The following LARP1 variants were observed in gnomAD, a reference collection of about 807,000 sequenced individuals.
The protein encoded by LARP1 is La ribonucleoprotein 1, translational regulator, also known as la-related protein 1.
LARP1 carries 36 observed loss-of-function variants against 122.7 expected under a neutral mutation model. The ratio of observed to expected loss-of-function variants is 0.29; its 90% CI spans 0.22 to 0.39. The LOEUF is 0.39. Among genes scored for constraint, LARP1 ranks in the 10% least tolerant of loss-of-function variants. The probability of loss-of-function intolerance (pLI) is 1.00; values close to 1 mark genes in which losing one functional copy is unlikely to be tolerated. For missense variants in LARP1, 1,040 were observed against 1,403.6 expected (o/e 0.74, Z 4.14); for synonymous variants, 539 against 528.7 (o/e 1.02, Z -0.27).
At chr5:154,811,738 A>T in intron 18 of LARP1, 98 bp downstream of exon 18, 1 of 1,446,548 alleles carries the variant, frequency 6.9e-7, no homozygotes, top group Non-Finnish European at 9.6e-7. Context: ...CCCCTAGCCC[A>T]GGAACCCCTC....
chr5:154,690,308 G>A (rs1174530939), intron 1 of LARP1, among the ~76,000 whole-genome samples: 1 of 152,118 alleles, frequency 6.6e-6, no homozygotes, highest in Non-Finnish European at 1.5e-5. Context: ...GTTTCATGTA[G>A]GATCGAGAAA....
At position 154,803,588 on chromosome 5, in the gene LARP1, C is replaced by A. The variant is rs758777370; in HGVS notation, c.2282C>A (p.Ser761Tyr). The change falls in exon 13 of 19, where the codon TCC (serine) becomes TAC (tyrosine). Residue 761 changes from serine to tyrosine, a missense_variant. Transcript: ENST00000518297. The surrounding 1 kb of genome is among the most constrained non-coding windows in gnomAD (Gnocchi z 4.4). ...ANKLFGAPEP[S>Y]TIARSLPTTV... ...AAGTTGTTTGGTGCTCCTGAGCCCT[C>A]CACCATCGCCCGCTCTCTACCAACC... The A allele has an allele frequency of 7.4e-6, 12 of 1,614,044 alleles. No individual in the cohort carries two copies. Among genetic ancestry groups the A allele is most frequent in the Non-Finnish European group, 1.0e-5 (12 of 1,180,040 alleles).
At chr5:154,725,034 TG>T (rs1248436136) in intron 1 of LARP1, among the ~76,000 whole-genome samples, 1 of 152,188 alleles carries the variant, frequency 6.6e-6, no homozygotes, top group Admixed American at 6.5e-5. Context: ...CCCAATACTT[TG>T]GGAGGCTGAG....
intron 1 of LARP1, among the ~76,000 whole-genome samples, chr5:154,704,383 A>G (rs1754851639): frequency 6.6e-6 from 1 of 152,162 alleles, no homozygotes; most frequent in African/African-American, 2.4e-5. Context: ...GTGGTGGCTC[A>G]TGCCTGTAAT....
upstream of LARP1, among the ~76,000 whole-genome samples, chr5:154,707,977 C>T (rs1407833330): frequency 6.6e-6 from 1 of 152,146 alleles, no homozygotes; most frequent in Non-Finnish European, 1.5e-5. Flanking sequence ...ACTTTTAAGG[C>T]CACCGTCATT....
Position 154,799,955 on chromosome 5 carries a change from G to C in LARP1, c.1629G>C (p.Lys543Asn), listed in dbSNP as rs925830671. Residue 543 changes from lysine (K) to asparagine (N), a missense_variant, in exon 10 of 19, where the codon AAG (lysine) becomes AAC (asparagine). This residue lies in a region of LARP1 where 362 missense variants were observed against 533.1 expected (regional missense o/e 0.68). Coordinates refer to ENST00000518297, the MANE Select transcript of LARP1 (RefSeq NM_033551.3). The stretch of plus-strand genomic sequence containing the variant: ...TCAGCAACCTAAAGACACTACCCAA[G>C]GGCCTGTCTGCCAGCCTGCCTGACC... ...EEVSNLKTLP[K>N]GLSASLPDLD... 3 of 1,614,082 alleles carry C rather than the reference G, an allele frequency of 1.9e-6. No homozygotes were observed. Among genetic ancestry groups the C allele is most frequent in the Non-Finnish European group, 2.5e-6 (3 of 1,180,042 alleles).
intron 14 of LARP1, chr5:154,804,872 A>T (rs983074974): frequency 2.2e-6 from 1 of 456,124 alleles, no homozygotes; most frequent in Non-Finnish European, 4.4e-6. Context: ...GATGGCACAG[A>T]CTGCAAATAG....
At chr5:154,730,247 G>A (rs1756472340) in intron 1 of LARP1, among the ~76,000 whole-genome samples, 1 of 151,936 alleles carries the variant, frequency 6.6e-6, no homozygotes, top group Non-Finnish European at 1.5e-5. Flanking sequence ...GGAGTGCAGT[G>A]GTGCGATCTC....
intron 3 of LARP1, chr5:154,791,843 C>G (rs1364325748): frequency 4.8e-6 from 2 of 417,462 alleles, no homozygotes; most frequent in African/African-American, 2.0e-5. Flanking sequence ...CCACACAGTT[C>G]AAAGCCATTT....
At chr5:154,790,223 C>G (rs1430727440) in intron 1 of LARP1, 102 bp from the exon 2 acceptor site, 22 of 883,192 alleles carry the variant, frequency 2.5e-5, no homozygotes, top group Non-Finnish European at 3.4e-5. Flanking sequence ...TGGGAACTTG[C>G]AGGTTGCTAG....
At chr5:154,693,978 A>G (rs1490397927) in intron 1 of LARP1, among the ~76,000 whole-genome samples, 6 of 152,224 alleles carry the variant, frequency 3.9e-5, no homozygotes, top group Non-Finnish European at 8.8e-5. Flanking sequence ...TGAGGCCTAT[A>G]AGAACTAGCT....
rs1478441788 is a variant in LARP1, at chr5:154,793,807, G to A, written c.876G>A (p.Glu292=). ...PANRGEIKGS[E]SATYVPVAPP... is the part of the protein sequence containing the mutation. ...GTACCCCTCTCCCCATAGGGTCTGA[G>A]TCTGCCACCTACGTGCCCGTGGCCC... is the stretch of plus-strand genomic sequence containing the variant. The change falls in exon 6 of 19, where the codon GAG becomes GAA. Residue 292 remains glutamate (E), a synonymous_variant. Transcript: ENST00000518297. The A allele has an allele frequency of 1.2e-6, 2 of 1,614,164 alleles. No individual in the cohort carries two copies. The highest frequency in any genetic ancestry group is 4.5e-5 in the East Asian group (2 of 44,870).
At chr5:154,760,931 C>T (rs1000738175) in intron 1 of LARP1, among the ~76,000 whole-genome samples, 1 of 152,128 alleles carries the variant, frequency 6.6e-6, no homozygotes, top group African/African-American at 2.4e-5. Context: ...AAGAAATTAT[C>T]TTATTTTGTC....
At chr5:154,757,465 G>A (rs1343750850) in intron 1 of LARP1, among the ~76,000 whole-genome samples, 1 of 152,026 alleles carries the variant, frequency 6.6e-6, no homozygotes, top group Non-Finnish European at 1.5e-5. Context: ...CCATTCTTTG[G>A]TTTTGGGTCC....
intron 1 of LARP1, among the ~76,000 whole-genome samples, chr5:154,750,302 C>T (rs1387676420): frequency 6.6e-6 from 1 of 152,218 alleles, no homozygotes; most frequent in Non-Finnish European, 1.5e-5. Context: ...GAGGGTCTCA[C>T]TCTGTTCCCC....
intron 1 of LARP1, among the ~76,000 whole-genome samples, chr5:154,740,089 T>A (rs1391213494): frequency 1.5e-4 from 18 of 118,794 alleles, no homozygotes; most frequent in Admixed American, 3.6e-4. Flanking sequence ...ACACAAACAT[T>A]AAAAAAAAAA....
In LARP1 at chr5:154,755,793, C is replaced by A; in HGVS notation, c.36C>A (p.Gly12=). 1.0e-6 allele frequency: 1 copy of A among 989,446 alleles called. No homozygotes were observed. Among genetic ancestry groups the A allele is most frequent in the Non-Finnish European group, 1.2e-6 (1 of 832,250 alleles). The allele number at this position is 989,446 out of a possible 1,614,324, so 61.3% of individuals were successfully genotyped here. ...ATQVEPLLPG[G]ATLLQAEEHG... is the part of the protein sequence containing the mutation. ...AGGTGGAGCCGCTGCTGCCTGGGGG[C>A]GCCACGCTCTTGCAGGCCGAAGAGC... is the stretch of plus-strand genomic sequence containing the variant. The change falls in exon 1 of 19, where the codon GGC becomes GGA. Residue 12 remains glycine (G), a synonymous_variant. Transcript: ENST00000518297.
At chr5:154,789,197 C>T (rs552568038) in intron 1 of LARP1, among the ~76,000 whole-genome samples, 4 of 143,356 alleles carry the variant, frequency 2.8e-5, no homozygotes, top group East Asian at 2.1e-4. Flanking sequence ...GGTGACAGAG[C>T]GAGACTCTGT....
chr5:154,786,106 G>C (rs993135473), intron 1 of LARP1, among the ~76,000 whole-genome samples: 20 of 151,924 alleles, frequency 1.3e-4, no homozygotes, highest in Non-Finnish European at 2.5e-4. Flanking sequence ...GCAGTGGCGC[G>C]ATCTCAGCTC....
Sources: gnomAD v4.1 joint callset for allele counts (sites outside exome capture counted in the v4.1 genomes callset) on GRCh38, gnomAD v4.1.1 for gene constraint, gnomAD v4.1.1 regional missense constraint, Gnocchi (gnomAD v3.1) non-coding constraint, MANE v1.5 for transcripts, NCBI Gene and HGNC (gene_info 2026-07-23, HGNC 2026-07-21) for gene names.